Variants in JAK1 observed in about 807,000 individuals in gnomAD.
The protein encoded by JAK1 is Janus kinase 1.
JAK1 carries 16 observed loss-of-function variants against 136.6 expected under a neutral mutation model. The observed-to-expected ratio is 0.12, with a 90% confidence interval of 0.08 to 0.18. The LOEUF (loss-of-function observed/expected upper bound fraction) is 0.18. Ranked by LOEUF, JAK1 falls within the 10% of genes least tolerant of loss-of-function variation. The pLI, the probability that JAK1 is intolerant of heterozygous loss-of-function variation, is 1.00. For missense variants in JAK1, 859 were observed against 1,450.1 expected (o/e 0.59, Z 6.62); for synonymous variants, 492 against 519.5 (o/e 0.95, Z 0.72).
chr1:64,845,840 G>A (rs141936597), intron 14 of JAK1, among the ~76,000 whole-genome samples, 200 bp from the exon 15 acceptor site: 1,631 of 152,272 alleles, frequency 0.011, 39 homozygotes, highest in African/African-American at 0.038. Context: ...CGGTGGCACT[G>A]AGCAAGTGAC....
intron 2 of JAK1, among the ~76,000 whole-genome samples, chr1:65,012,238 T>C (rs1002465016): frequency 5.3e-5 from 8 of 152,128 alleles, no homozygotes; most frequent in African/African-American, 1.7e-4. Flanking sequence ...CTGAGTCATC[T>C]GAGGTCTGAG....
rs34009555 is a variant in JAK1, at chr1:65,013,095, C to CAAA, written c.-78+31382_-78+31384dup. Among the ~76,000 whole-genome samples the CAAA allele has an allele frequency of 1.5e-3, 67 of 44,910 alleles. 1 individual carries two copies. The highest frequency in any genetic ancestry group is 1.8e-3 in the Non-Finnish European group (41 of 23,070). 29.5% of individuals were successfully genotyped at this position (44,910 alleles called of 152,430 possible). On this transcript the variant is annotated intron_variant, in intron 2 of 25. Transcript: ENST00000671954. ...TGGGTGACAGAGCAACACTCCGTCT[C>CAAA]AAAAAAAAAAAAAAAAAAAGGCCGG... is the stretch of plus-strand genomic sequence containing the variant.
intron 1 of JAK1, among the ~76,000 whole-genome samples, chr1:64,949,923 A>G (rs935992875): frequency 2.0e-5 from 3 of 152,236 alleles, no homozygotes; most frequent in African/African-American, 7.2e-5. Context: ...AATAAAATAA[A>G]TTAACACAAC....
Position 64,864,929 on chromosome 1 carries a change from T to C in JAK1, c.1034A>G (p.Lys345Arg). The C allele has an allele frequency of 6.2e-7, 1 of 1,613,808 alleles. No individual in the cohort carries two copies. The highest frequency in any genetic ancestry group is 8.5e-7 in the Non-Finnish European group (1 of 1,179,900). Reference sequence around the variant, plus strand: ...ATCCTTCTTGTGTTTATTTTCCAGTTTTTTCCGCTTCAGTTTATTTTTTTC... The same window carrying C: ...ATCCTTCTTGTGTTTATTTTCCAGTCTTTTCCGCTTCAGTTTATTTTTTTC... ...EKEKNKLKRK[K>R]LENKHKKDEE... The change falls in exon 8 of 25, where the codon AAA (lysine) becomes AGA (arginine). Residue 345 changes from lysine (K) to arginine (R), a missense_variant. By Grantham distance (26) the Lys-to-Arg change is conservative (BLOSUM62 2). Around this residue, in one of 4 missense-constraint regions of JAK1, gnomAD observed 353 missense variants for 494.0 expected, o/e 0.71. Coordinates refer to ENST00000342505, the MANE Select transcript of JAK1 (RefSeq NM_002227.4).
chr1:65,019,990 C>T (rs1393885701), intron 2 of JAK1, among the ~76,000 whole-genome samples: 1 of 151,564 alleles, frequency 6.6e-6, no homozygotes, highest in Admixed American at 6.6e-5. Context: ...CTTTGGGAGG[C>T]CAAGGTGGGC....
At chr1:65,037,127 A>C (rs1316795601) in intron 2 of JAK1, among the ~76,000 whole-genome samples, 4 of 152,330 alleles carry the variant, frequency 2.6e-5, no homozygotes, top group South Asian at 4.1e-4. Flanking sequence ...TCGAGGTTGC[A>C]GTGATCTGTA....
chr1:64,994,846 C>T (rs887470728), intron 2 of JAK1: 10 of 151,486 alleles, frequency 6.6e-5, no homozygotes, highest in African/African-American at 2.4e-4. Flanking sequence ...AACTTCAAGG[C>T]AACTCTCATA....
At chr1:64,906,595 G>A (rs61784706) in intron 1 of JAK1, among the ~76,000 whole-genome samples, 5,339 of 152,144 alleles carry the variant, frequency 0.035, 136 homozygotes, top group African/African-American at 0.067. Flanking sequence ...ACGATTTCTC[G>A]CCACCTACAC....
chr1:65,062,225 G>A (rs1647823369), intron 1 of JAK1, among the ~76,000 whole-genome samples: 1 of 152,100 alleles, frequency 6.6e-6, no homozygotes, highest in Non-Finnish European at 1.5e-5. Flanking sequence ...AATATTTTTA[G>A]TCCAACTGTA....
At chr1:65,065,027 T>C (rs934497079) in intron 1 of JAK1, among the ~76,000 whole-genome samples, 1 of 152,214 alleles carries the variant, frequency 6.6e-6, no homozygotes, top group Non-Finnish European at 1.5e-5. Flanking sequence ...ATGAACACTA[T>C]ACAGTCTTCT....
intron 1 of JAK1, among the ~76,000 whole-genome samples, chr1:65,062,898 T>C (rs1244290201): frequency 6.6e-6 from 1 of 152,118 alleles, no homozygotes; most frequent in Non-Finnish European, 1.5e-5. Flanking sequence ...TCAACAAGAG[T>C]ATGTTTAATT....
chr1:65,000,799 T>TCA, intron 2 of JAK1, among the ~76,000 whole-genome samples: 1 of 152,278 alleles, frequency 6.6e-6, no homozygotes, highest in Admixed American at 6.5e-5. Context: ...GGAAAAAATC[T>TCA]GATTTTTCTG....
At chr1:64,865,033 G>A in intron 7 of JAK1, 61 bp from the exon 8 acceptor site, 1 of 1,372,344 alleles carries the variant, frequency 7.3e-7, no homozygotes, top group South Asian at 1.3e-5. Context: ...ATTGGTAAAA[G>A]GTCAGTGCTG....
chr1:64,928,794 A>AAAAAAAAAAAAAAAAAAAAAAAAAT (rs1645634466), intron 1 of JAK1, among the ~76,000 whole-genome samples: 1 of 122,508 alleles, frequency 8.2e-6, no homozygotes, highest in Non-Finnish European at 1.6e-5. Flanking sequence ...AAAAAAAAAA[A>AAAAAAAAAAAAAAAAAAAAAAAAAT]AACAAAAAAA....
chr1:64,934,880 T>C (rs1645761109), intron 1 of JAK1, among the ~76,000 whole-genome samples: 1 of 152,230 alleles, frequency 6.6e-6, no homozygotes, highest in African/African-American at 2.4e-5. Context: ...GCCTAGAACA[T>C]AGTAAGTGCT....
At chr1:64,874,959 G>A (rs962003106) in intron 4 of JAK1, among the ~76,000 whole-genome samples, 1 of 152,122 alleles carries the variant, frequency 6.6e-6, no homozygotes, top group African/African-American at 2.4e-5. Context: ...CACACAATGG[G>A]GCACGTATCA....
intron 2 of JAK1, among the ~76,000 whole-genome samples, chr1:64,997,641 T>C (rs977872700): frequency 6.6e-6 from 1 of 152,196 alleles, no homozygotes; most frequent in Non-Finnish European, 1.5e-5. Flanking sequence ...TTTGTGTGAC[T>C]GACATAAACA....
At chr1:65,047,575 C>T (rs139524324) in intron 1 of JAK1, among the ~76,000 whole-genome samples, 12 of 152,128 alleles carry the variant, frequency 7.9e-5, no homozygotes, top group African/African-American at 2.7e-4. Flanking sequence ...AACAATTAGC[C>T]GGGCGTGGTG....
intron 2 of JAK1, among the ~76,000 whole-genome samples, chr1:64,988,185 G>C (rs928522352): frequency 3.9e-5 from 6 of 152,030 alleles, no homozygotes; most frequent in African/African-American, 1.4e-4. Flanking sequence ...TAAAAATCAG[G>C]GTTTTCAGTC....
Sources: allele counts gnomAD v4.1 joint callset (sites outside exome capture counted in the v4.1 genomes callset), GRCh38; gene constraint gnomAD v4.1.1; regional missense constraint gnomAD v4.1.1; transcripts MANE v1.5; gene names NCBI Gene and HGNC (gene_info 2026-07-23, HGNC 2026-07-21).